TASP1: variants seen among roughly 807,000 people sequenced by gnomAD.
TASP1 encodes the protein threonine aspartase 1.
In TASP1, 16 loss-of-function variants were observed where a neutral mutation model predicts 56.6. That is an observed-to-expected ratio of 0.28 (90% CI 0.19 to 0.43). The LOEUF (loss-of-function observed/expected upper bound fraction) is 0.43. Among genes scored for constraint, TASP1 ranks in the 20% least tolerant of loss-of-function variants. The pLI, the probability that TASP1 is intolerant of heterozygous loss-of-function variation, is 1.00. For synonymous variants in TASP1, 179 were observed against 184.2 expected (o/e 0.97, Z 0.23); for missense variants, 393 against 511.6 (o/e 0.77, Z 2.24).
the TASP1 span, among the ~76,000 whole-genome samples, chr20:13,127,710 C>T: frequency 6.6e-6 from 1 of 152,132 alleles, no homozygotes; most frequent in Non-Finnish European, 1.5e-5. Context: ...CCTAGTGCTC[C>T]CCAAGACACT....
intron 8 of TASP1, among the ~76,000 whole-genome samples, chr20:13,537,354 T>A (rs1416397185): frequency 2.6e-5 from 4 of 152,162 alleles, no homozygotes; most frequent in South Asian, 2.1e-4. Context: ...AATTACTTCA[T>A]AAATATTCAA....
At chr20:13,538,227 C>T (rs2045488974) in intron 8 of TASP1, among the ~76,000 whole-genome samples, 1 of 152,182 alleles carries the variant, frequency 6.6e-6, no homozygotes, top group South Asian at 2.1e-4. Context: ...TGGTCTTGAA[C>T]TCCTGACCTC....
the TASP1 span, among the ~76,000 whole-genome samples, chr20:13,280,394 C>G: frequency 3.3e-3 from 352 of 105,334 alleles, 2 homozygotes; most frequent in African/African-American, 0.019. Context: ...CAAAGTAACC[C>G]CCCCCCCCCA....
chr20:13,516,556 G>A (rs575961512), intron 10 of TASP1, among the ~76,000 whole-genome samples: 3 of 152,020 alleles, frequency 2.0e-5, no homozygotes. Context: ...ACTCCACAAT[G>A]GGAAGGAAAA....
chr20:13,392,538 C>T (rs112871768), intron 13 of TASP1: 27 of 259,260 alleles, frequency 1.0e-4, no homozygotes, highest in African/African-American at 3.6e-4. Context: ...CATACTACTC[C>T]GGAAATGCTG....
the TASP1 span, among the ~76,000 whole-genome samples, chr20:13,350,435 C>T: frequency 4.0e-5 from 6 of 151,518 alleles, no homozygotes; most frequent in East Asian, 5.8e-4. Context: ...TTAAAAGAGG[C>T]GAAAAATGTT....
At chr20:13,631,677 T>G (rs2147600031) in intron 1 of TASP1, among the ~76,000 whole-genome samples, 1 of 152,348 alleles carries the variant, frequency 6.6e-6, no homozygotes, top group Middle Eastern at 3.4e-3. Flanking sequence ...CGAAAACACA[T>G]CTAAGCAGTA....
the TASP1 span, among the ~76,000 whole-genome samples, chr20:13,256,056 G>A: frequency 2.6e-5 from 4 of 152,084 alleles, no homozygotes; most frequent in East Asian, 1.9e-4. Context: ...CTGGGAGTTC[G>A]AAACCCTGTG....
the TASP1 span, among the ~76,000 whole-genome samples, chr20:13,359,548 A>C: frequency 7.0e-3 from 1,043 of 149,256 alleles, 8 homozygotes; most frequent in African/African-American, 0.025. Context: ...CGGAGGCTAC[A>C]CACTCCACAT....
the TASP1 span, among the ~76,000 whole-genome samples, chr20:13,266,178 G>C: frequency 6.6e-6 from 1 of 152,172 alleles, no homozygotes; most frequent in African/African-American, 2.4e-5. Flanking sequence ...CAGGTCCACA[G>C]CCACCTGAAA....
chr20:13,221,216 C>CCTACTCCTA, the TASP1 span, among the ~76,000 whole-genome samples: 1 of 100,286 alleles, frequency 1.0e-5, no homozygotes, highest in African/African-American at 4.7e-5. Flanking sequence ...CTGAAGCCCT[C>CCTACTCCTA]CTACTCCTCC....
At chr20:13,235,138 T>C in the TASP1 span, among the ~76,000 whole-genome samples, 3 of 152,208 alleles carry the variant, frequency 2.0e-5, no homozygotes, top group Non-Finnish European at 2.9e-5. Flanking sequence ...CATGGGTCCA[T>C]GGGTCAGCTG....
the TASP1 span, among the ~76,000 whole-genome samples, chr20:13,281,165 C>T: frequency 5.3e-5 from 8 of 152,204 alleles, no homozygotes; most frequent in Admixed American, 3.3e-4. Context: ...CTGTGTCCAG[C>T]ACTATGCTGG....
chr20:13,117,933 G>A, the TASP1 span, among the ~76,000 whole-genome samples: 1 of 152,178 alleles, frequency 6.6e-6, no homozygotes, highest in African/African-American at 2.4e-5. Context: ...CATGTGATGA[G>A]TGATCACACT....
chr20:13,417,303 A>T, intron 13 of TASP1, 145 bp downstream of exon 13: 2 of 719,880 alleles, frequency 2.8e-6, no homozygotes, highest in Non-Finnish European at 4.6e-6. Context: ...TAGCATTGTT[A>T]ACTGTTCTTA....
chr20:13,244,059 C>G, the TASP1 span: 1 of 152,150 alleles, frequency 6.6e-6, no homozygotes, highest in Non-Finnish European at 1.5e-5. Flanking sequence ...AGAAAGAGAG[C>G]CCTGTTAGCC....
chr20:13,575,160 G>A (rs1239026747), intron 6 of TASP1, among the ~76,000 whole-genome samples: 1 of 152,132 alleles, frequency 6.6e-6, no homozygotes, highest in Non-Finnish European at 1.5e-5. Context: ...GTGCTGCTTT[G>A]TCAGTCAAAA....
the TASP1 span, among the ~76,000 whole-genome samples, chr20:13,114,012 CAGGACAGA>C: frequency 6.6e-6 from 1 of 152,182 alleles, no homozygotes; most frequent in Non-Finnish European, 1.5e-5. Context: ...TTACTTGCCC[CAGGACAGA>C]TAACCGAGAT....
At chr20:13,480,186 C>T (rs1349333508) in intron 11 of TASP1, among the ~76,000 whole-genome samples, 2 of 152,156 alleles carry the variant, frequency 1.3e-5, no homozygotes, top group Admixed American at 6.5e-5. Flanking sequence ...AGTAGCATGG[C>T]AAAAGCATTT....
Sources: gnomAD v4.1 joint callset for allele counts (sites outside exome capture counted in the v4.1 genomes callset) on GRCh38, gnomAD v4.1.1 for gene constraint, MANE v1.5 for transcripts, NCBI Gene and HGNC (gene_info 2026-07-23, HGNC 2026-07-21) for gene names.